Variants in ZMYM6 observed in about 807,000 individuals in gnomAD.
ZMYM6 encodes the protein zinc finger MYM-type containing 6, also known as zinc finger MYM-type protein 6.
In ZMYM6, 90 loss-of-function variants were observed where a neutral mutation model predicts 134.0. That is an observed-to-expected ratio of 0.67 (90% CI 0.57 to 0.80). ZMYM6 has a LOEUF of 0.80. Ranked by LOEUF, ZMYM6 falls within the 30% of genes least tolerant of loss-of-function variation. The pLI, the probability that ZMYM6 is intolerant of heterozygous loss-of-function variation, is 0.00. For synonymous variants in ZMYM6, 481 were observed against 524.1 expected (o/e 0.92, Z 1.12); for missense variants, 1,362 against 1,533.9 (o/e 0.89, Z 1.87).
rs150648310 is a variant in ZMYM6, at chr1:35,004,189, C to T, written c.1955-184G>A. On this transcript the variant is annotated intron_variant, in intron 13 of 15. Transcript: ENST00000357182. Reference sequence around the variant, plus strand: ...CTTAATAACGGTAAGGATTCCAGGGCCCCAATCCCATCCAACTGTATTAGA... The same window carrying T: ...CTTAATAACGGTAAGGATTCCAGGGTCCCAATCCCATCCAACTGTATTAGA... Among the ~76,000 whole-genome samples the T allele has an allele frequency of 3.5e-3, 535 of 152,270 alleles. 7 individuals are homozygous for T. The highest frequency in any genetic ancestry group is 0.012 in the African/African-American group (484 of 41,554).
At chr1:34,989,363 C>A in intron 15 of ZMYM6, 24 of 418,544 alleles carry the variant, frequency 5.7e-5, no homozygotes, top group Non-Finnish European at 7.3e-5. Flanking sequence ...CATGGCGAAA[C>A]TCCATCTCTA....
rs373520344 is a variant in ZMYM6 at position 35,014,926 on chromosome 1, C to T, written c.604-38G>A. The T allele has an allele frequency of 1.0e-4, 161 of 1,608,544 alleles. 2 individuals are homozygous for T. In the South Asian group the frequency reaches 1.6e-3, roughly 16 times the overall value. ...CACACACATACACACACAAAATAAG[C>T]AGAGCCAGTTAAAAAAAAATCTCTT... On this transcript the variant is annotated intron_variant, in intron 5 of 15. Transcript: ENST00000357182.
At chr1:35,025,467 A>C (rs1328455007) in intron 2 of ZMYM6, among the ~76,000 whole-genome samples, 4 of 91,494 alleles carry the variant, frequency 4.4e-5, no homozygotes, top group South Asian at 3.1e-4. Context: ...ACTCCATCCC[A>C]AAAAAAAAAA....
intron 8 of ZMYM6, 95 bp from the exon 9 acceptor site, chr1:35,011,131 A>G: frequency 7.5e-7 from 1 of 1,337,942 alleles, no homozygotes; most frequent in South Asian, 1.5e-5. Flanking sequence ...CAAGTCTCCC[A>G]CAAACATTTT....
intron 14 of ZMYM6, among the ~76,000 whole-genome samples, chr1:34,994,822 C>G (rs1640746427): frequency 6.6e-6 from 1 of 151,316 alleles, no homozygotes; most frequent in South Asian, 2.1e-4. Flanking sequence ...TACAGTTGTT[C>G]CCCCTTATCT....
chr1:35,031,308 C>T (rs1641519340), intron 1 of ZMYM6: 1 of 152,242 alleles, frequency 6.6e-6, no homozygotes, highest in Non-Finnish European at 1.5e-5. Context: ...GGCATCAAGC[C>T]CCTCAGAGCC....
intron 10 of ZMYM6, among the ~76,000 whole-genome samples, chr1:35,009,372 TG>T (rs1641043674): frequency 6.6e-6 from 1 of 152,198 alleles, no homozygotes; most frequent in Non-Finnish European, 1.5e-5. Flanking sequence ...CCCAAAGTGC[TG>T]GGAATACAGG....
intron 14 of ZMYM6, among the ~76,000 whole-genome samples, chr1:34,998,296 A>G (rs886799264): frequency 1.3e-5 from 2 of 152,062 alleles, no homozygotes; most frequent in Non-Finnish European, 2.9e-5. Flanking sequence ...GTTTGGACCT[A>G]TTTCTGGATT....
intron 6 of ZMYM6, 33 bp downstream of exon 6, chr1:35,014,664 G>T: frequency 6.3e-7 from 1 of 1,596,598 alleles, no homozygotes; most frequent in South Asian, 1.1e-5. Flanking sequence ...GAAGGAGTGG[G>T]CCTAAGTACA....
At chr1:35,015,743 A>AAAAAAAAATATATATATAT in intron 4 of ZMYM6, among the ~76,000 whole-genome samples, 1 of 106,462 alleles carries the variant, frequency 9.4e-6, no homozygotes, top group African/African-American at 6.6e-5. Flanking sequence ...AAAAAAAAAA[A>AAAAAAAAATATATATATAT]ATATATATAT....
chr1:35,002,630 CT>C (rs1640898673), intron 14 of ZMYM6, among the ~76,000 whole-genome samples: 1 of 152,136 alleles, frequency 6.6e-6, no homozygotes, highest in African/African-American at 2.4e-5. Context: ...TTTAATACTG[CT>C]TTCAGTTTTT....
intron 4 of ZMYM6, among the ~76,000 whole-genome samples, chr1:35,016,571 G>C (rs577017290): frequency 1.3e-5 from 2 of 152,266 alleles, no homozygotes; most frequent in African/African-American, 4.8e-5. Context: ...CACTAGTGCA[G>C]GCCACAAAGT....
Position 34,992,219 on chromosome 1 carries a change from C to T in ZMYM6, c.2146+15G>A. On this transcript the variant is annotated intron_variant, in intron 15 of 15. Transcript: ENST00000357182. ...AAAACAAGCTTTGTACATGGGAACG[C>T]ACAAGGATACATACCTGTCTGACAT... The T allele has an allele frequency of 6.2e-7, 1 of 1,613,748 alleles. No individual in the cohort carries two copies. Among genetic ancestry groups the T allele is most frequent in the Non-Finnish European group, 8.5e-7 (1 of 1,179,798 alleles).
In ZMYM6 at chr1:35,014,889, C is replaced by A; in HGVS notation, c.604-1G>T. ...TTTGATATTTAACTTCAAATCGAGT[C>A]TAGGAAATAAACACACACATACACA... On this transcript the variant is annotated splice_acceptor_variant, in intron 5 of 15. Coordinates refer to ENST00000357182, the MANE Select transcript of ZMYM6 (RefSeq NM_007167.4). LOFTEE classifies it high-confidence loss of function. The A allele has an allele frequency of 6.2e-7, 1 of 1,613,788 alleles. No homozygotes were observed. The highest frequency in any genetic ancestry group is 8.5e-7 in the Non-Finnish European group (1 of 1,179,858).
intron 2 of ZMYM6, among the ~76,000 whole-genome samples, chr1:35,024,378 A>G (rs930842801): frequency 6.6e-6 from 1 of 152,132 alleles, no homozygotes; most frequent in South Asian, 2.1e-4. Context: ...TCTAATCTCA[A>G]ATCCCAGATT....
intron 10 of ZMYM6, 42 bp downstream of exon 10, chr1:35,010,405 A>G (rs745309339): frequency 1.5e-5 from 24 of 1,574,284 alleles, no homozygotes; most frequent in Middle Eastern, 1.7e-4. Context: ...GTCATGAATT[A>G]TAACAACCCA....
At chr1:35,011,124 G>C in intron 8 of ZMYM6, 88 bp from the exon 9 acceptor site, 1 of 1,368,230 alleles carries the variant, frequency 7.3e-7, no homozygotes, top group Non-Finnish European at 9.8e-7. Flanking sequence ...AATAAATCAA[G>C]TCTCCCACAA....
Position 34,987,288 on chromosome 1 carries a change from G to A in ZMYM6, c.3794C>T (p.Pro1265Leu), listed in dbSNP as rs367814482. ...TTTCATTGCCCTTTCATGGAGTTCT[G>A]GGTAACTTGTCTTTGCATTTATCCA... Reference protein sequence around the residue: ...QFWINAKTSYPELHERAMKFL... With the variant: ...QFWINAKTSYLELHERAMKFL... Residue 1265 changes from proline (P) to leucine (L), a missense_variant, in exon 16 of 16, where the codon CCA becomes CTA. Coordinates refer to ENST00000357182, the MANE Select transcript of ZMYM6 (RefSeq NM_007167.4). 6.2e-7 allele frequency: 1 copy of A among 1,612,466 alleles called. No homozygotes were observed. The highest frequency in any genetic ancestry group is 1.3e-5 in the African/African-American group (1 of 74,838).
chr1:35,029,325 G>C (rs1641474862), intron 2 of ZMYM6, among the ~76,000 whole-genome samples: 1 of 152,124 alleles, frequency 6.6e-6, no homozygotes, highest in Non-Finnish European at 1.5e-5. Flanking sequence ...ACAAGTTCTG[G>C]AGTCTGACCA....
Sources: gnomAD v4.1 joint callset for allele counts (sites outside exome capture counted in the v4.1 genomes callset) on GRCh38, gnomAD v4.1.1 for gene constraint, MANE v1.5 for transcripts, NCBI Gene and HGNC (gene_info 2026-07-23, HGNC 2026-07-21) for gene names.